Variants in WDR7 observed in about 807,000 individuals in gnomAD.
WDR7 encodes the protein WD repeat-containing protein 7.
A neutral mutation model predicts 169.4 loss-of-function variants in WDR7; 46 were observed. That is an observed-to-expected ratio of 0.27 (90% CI 0.21 to 0.35). The LOEUF (loss-of-function observed/expected upper bound fraction) is 0.35, where lower values mean the gene tolerates loss of function less well. WDR7 is among the 10% of genes least tolerant of loss of function. WDR7 has a pLI of 1.00. For missense variants in WDR7, 1,534 were observed against 1,859.3 expected (o/e 0.83, Z 3.22); for synonymous variants, 612 against 666.8 (o/e 0.92, Z 1.27).
At chr18:56,910,631 A>G (rs755109008) in intron 21 of WDR7, among the ~76,000 whole-genome samples, 1 of 152,212 alleles carries the variant, frequency 6.6e-6, no homozygotes, top group Non-Finnish European at 1.5e-5. Flanking sequence ...AGAAGTTCCA[A>G]AAACATCCAG....
intron 14 of WDR7, among the ~76,000 whole-genome samples, chr18:56,748,624 C>T (rs1599013069): frequency 6.6e-6 from 1 of 151,998 alleles, no homozygotes; most frequent in African/African-American, 2.4e-5. Flanking sequence ...AGTCAAATGT[C>T]TCTAGTTTAT....
chr18:56,982,376 A>G (rs933987571), intron 26 of WDR7, among the ~76,000 whole-genome samples: 4 of 152,190 alleles, frequency 2.6e-5, no homozygotes, highest in Non-Finnish European at 4.4e-5. Context: ...TTTTCATATT[A>G]GCAAAGGTAT....
chr18:57,006,859 G>T (rs114481683), intron 26 of WDR7, among the ~76,000 whole-genome samples: 1 of 151,950 alleles, frequency 6.6e-6, no homozygotes, highest in Admixed American at 6.6e-5. Flanking sequence ...TTGTGTGTTC[G>T]AGAAGAATCT....
At chr18:56,655,502 C>T (rs547204752) in intron 1 of WDR7, among the ~76,000 whole-genome samples, 1 of 151,948 alleles carries the variant, frequency 6.6e-6, no homozygotes, top group Admixed American at 6.6e-5. Context: ...TGCCTGTAGT[C>T]CCAGCTACTT....
intron 26 of WDR7, among the ~76,000 whole-genome samples, chr18:56,987,448 A>T (rs1568301206): frequency 6.6e-6 from 1 of 152,144 alleles, no homozygotes; most frequent in Non-Finnish European, 1.5e-5. Flanking sequence ...GCTGCAGTCC[A>T]GCTAAAATAA....
intron 20 of WDR7, among the ~76,000 whole-genome samples, chr18:56,869,717 G>C (rs1323078390): frequency 1.3e-5 from 2 of 152,132 alleles, no homozygotes; most frequent in East Asian, 3.8e-4. Context: ...AGAAGACACA[G>C]AAAACTTAAA....
chr18:56,764,884 G>T (rs190527075), intron 16 of WDR7, among the ~76,000 whole-genome samples: 1 of 152,048 alleles, frequency 6.6e-6, no homozygotes, highest in Admixed American at 6.6e-5. Context: ...ATTCCTTCTT[G>T]CATTTCTATC....
At chr18:56,866,578 TTAAG>T (rs570169327) in intron 20 of WDR7, among the ~76,000 whole-genome samples, 31 of 152,272 alleles carry the variant, frequency 2.0e-4, no homozygotes, top group African/African-American at 6.3e-4. Flanking sequence ...AAACATTGGA[TTAAG>T]TATTAGATAA....
chr18:56,808,603 A>G (rs186956512), intron 19 of WDR7, among the ~76,000 whole-genome samples: 4 of 152,314 alleles, frequency 2.6e-5, no homozygotes, highest in Admixed American at 6.5e-5. Context: ...ACATGTTACT[A>G]TATTAAAAAT....
chr18:57,022,298 ATTTTC>A (rs1452432807), intron 27 of WDR7, among the ~76,000 whole-genome samples: 2 of 152,068 alleles, frequency 1.3e-5, no homozygotes, highest in African/African-American at 4.8e-5. Flanking sequence ...CTTCATACAA[ATTTTC>A]TTTTATTTCC....
At chr18:56,675,721 A>C (rs2025229760) in intron 2 of WDR7, among the ~76,000 whole-genome samples, 1 of 151,934 alleles carries the variant, frequency 6.6e-6, no homozygotes. Flanking sequence ...ATGTTCCTGG[A>C]TGGCACCTCC....
intron 15 of WDR7, 23 bp from the exon 16 acceptor site, chr18:56,758,842 G>T: frequency 1.3e-6 from 2 of 1,562,580 alleles, no homozygotes; most frequent in Non-Finnish European, 1.7e-6. Context: ...AATATATCTT[G>T]TATTTTTTTC....
At chr18:56,653,555 C>G (rs556092315) in intron 1 of WDR7, among the ~76,000 whole-genome samples, 1 of 152,292 alleles carries the variant, frequency 6.6e-6, no homozygotes, top group East Asian at 1.9e-4. Context: ...TCTTGCTCAT[C>G]AACCCATATG....
At chr18:56,992,648 G>A (rs1939741206) in intron 26 of WDR7, among the ~76,000 whole-genome samples, 2 of 152,292 alleles carry the variant, frequency 1.3e-5, no homozygotes, top group South Asian at 4.1e-4. Flanking sequence ...CCAGGTAAAA[G>A]ATAGTAATTA....
intron 20 of WDR7, among the ~76,000 whole-genome samples, chr18:56,833,854 T>A (rs2045355215): frequency 6.6e-6 from 1 of 152,218 alleles, no homozygotes; most frequent in Non-Finnish European, 1.5e-5. Context: ...ATTTTCCTAT[T>A]GCTACATAAT....
intron 16 of WDR7, among the ~76,000 whole-genome samples, chr18:56,763,289 CTTAG>C (rs1210930733): frequency 6.6e-6 from 1 of 152,056 alleles, no homozygotes; most frequent in East Asian, 1.9e-4. Flanking sequence ...CCATTCTATT[CTTAG>C]TTTGTCGAGA....
intron 14 of WDR7, among the ~76,000 whole-genome samples, chr18:56,734,296 A>C (rs894976602): frequency 3.9e-5 from 6 of 152,102 alleles, no homozygotes; most frequent in Non-Finnish European, 8.8e-5. Flanking sequence ...ACTGTAGACC[A>C]TGATAACTCA....
At chr18:56,856,825 T>C (rs1365261318) in intron 20 of WDR7, among the ~76,000 whole-genome samples, 3 of 152,128 alleles carry the variant, frequency 2.0e-5, no homozygotes, top group African/African-American at 7.2e-5. Flanking sequence ...CCCTAGTTTG[T>C]TTTTGAGAAG....
At chr18:56,884,206 A>T (rs932162089) in intron 21 of WDR7, among the ~76,000 whole-genome samples, 2 of 152,156 alleles carry the variant, frequency 1.3e-5, no homozygotes, top group East Asian at 3.9e-4. Context: ...TTCTTGCAGG[A>T]GCAAGGTGGT....
Sources: allele counts gnomAD v4.1 joint callset (sites outside exome capture counted in the v4.1 genomes callset), GRCh38; gene constraint gnomAD v4.1.1; transcripts MANE v1.5; gene names NCBI Gene and HGNC (gene_info 2026-07-23, HGNC 2026-07-21).